Variants in BRAF observed in about 807,000 individuals in gnomAD.
BRAF encodes the protein B-Raf proto-oncogene, serine/threonine kinase.
BRAF carries 16 observed loss-of-function variants against 104.6 expected under a neutral mutation model. The ratio of observed to expected loss-of-function variants is 0.15; its 90% CI spans 0.10 to 0.23. The LOEUF (loss-of-function observed/expected upper bound fraction) is 0.23, where lower values mean the gene tolerates loss of function less well. Ranked by LOEUF, BRAF falls within the 10% of genes least tolerant of loss-of-function variation. The pLI is 1.00. For synonymous variants in BRAF, 310 were observed against 341.6 expected (o/e 0.91, Z 1.02); for missense variants, 541 against 937.3 (o/e 0.58, Z 5.52).
intron 19 of BRAF, among the ~76,000 whole-genome samples, chr7:140,728,942 A>T (rs929133704): frequency 3.9e-5 from 6 of 151,960 alleles, no homozygotes; most frequent in African/African-American, 1.2e-4. Context: ...ATCTTCAGCT[A>T]AGGTTGGGCA....
At chr7:140,729,394 C>T (rs1563226040) in intron 19 of BRAF, among the ~76,000 whole-genome samples, 1 of 152,182 alleles carries the variant, frequency 6.6e-6, no homozygotes, top group Non-Finnish European at 1.5e-5. Context: ...CCTGTAATCC[C>T]AGCACTTTGG....
intron 2 of BRAF, among the ~76,000 whole-genome samples, chr7:140,845,512 T>C (rs924716022): frequency 6.6e-6 from 1 of 151,996 alleles, no homozygotes; most frequent in Non-Finnish European, 1.5e-5. Context: ...ACAATCCAAT[T>C]AAAAAATGGA....
At chr7:140,843,944 G>T (rs1408072900) in intron 2 of BRAF, among the ~76,000 whole-genome samples, 1 of 152,170 alleles carries the variant, frequency 6.6e-6, no homozygotes, top group African/African-American at 2.4e-5. Context: ...GGGAGGTGGA[G>T]CTTGAAGTGA....
At chr7:140,845,275 G>A (rs1433026309) in intron 2 of BRAF, among the ~76,000 whole-genome samples, 1 of 152,110 alleles carries the variant, frequency 6.6e-6, no homozygotes, top group East Asian at 1.9e-4. Flanking sequence ...AAATGCAAGA[G>A]CATTTGGGAG....
chr7:140,869,510 G>GT (rs1290238389), intron 1 of BRAF, among the ~76,000 whole-genome samples: 1 of 152,060 alleles, frequency 6.6e-6, no homozygotes, highest in African/African-American at 2.4e-5. Flanking sequence ...GCGGACACCC[G>GT]TAATTCCAGC....
intron 17 of BRAF, chr7:140,740,456 AGAG>A (rs1454664784): frequency 1.3e-5 from 2 of 152,426 alleles, no homozygotes; most frequent in Non-Finnish European, 2.9e-5. Flanking sequence ...AGCCTCCGCC[AGAG>A]GAGAGAAGGG....
At chr7:140,847,707 CAATT>C (rs547309487) in intron 2 of BRAF, among the ~76,000 whole-genome samples, 7 of 152,206 alleles carry the variant, frequency 4.6e-5, no homozygotes, top group African/African-American at 9.6e-5. Context: ...ATTATAAACT[CAATT>C]AATCCTTAAC....
chr7:140,758,112 T>G (rs1281352177), intron 14 of BRAF: 2 of 152,218 alleles, frequency 1.3e-5, no homozygotes, highest in Admixed American at 1.3e-4. Flanking sequence ...ACTTAGACAT[T>G]TGCATGTCAG....
chr7:140,761,496 C>G (rs1316286406), intron 14 of BRAF, among the ~76,000 whole-genome samples: 1 of 151,560 alleles, frequency 6.6e-6, no homozygotes, highest in Non-Finnish European at 1.5e-5. Context: ...AGCAAAATAA[C>G]CAGCTAATAT....
chr7:140,788,664 T>C (rs187534485), intron 8 of BRAF, among the ~76,000 whole-genome samples: 3 of 151,932 alleles, frequency 2.0e-5, no homozygotes, highest in Admixed American at 6.6e-5. Context: ...TCTTGGCTTA[T>C]TGCAACCTCT....
At chr7:140,753,123 A>C in intron 16 of BRAF, 152 bp downstream of exon 15, 1 of 634,894 alleles carries the variant, frequency 1.6e-6, no homozygotes, top group Non-Finnish European at 2.7e-6. Context: ...AAAGTTAAAA[A>C]ATCTATTTAC....
intron 19 of BRAF, chr7:140,731,829 T>C (rs1246830254): frequency 2.0e-5 from 3 of 152,184 alleles, no homozygotes; most frequent in Admixed American, 2.0e-4. Flanking sequence ...AGTAAAACTT[T>C]TAAAATGCAA....
intron 1 of BRAF, among the ~76,000 whole-genome samples, chr7:140,897,429 C>A (rs6966197): frequency 0.3 from 45,453 of 150,014 alleles, 10,883 homozygotes; most frequent in African/African-American, 0.67. Flanking sequence ...TTAAAATTTT[C>A]AATTTATCAG....
At chr7:140,888,114 C>A (rs10255476) in intron 1 of BRAF, among the ~76,000 whole-genome samples, 4,174 of 152,232 alleles carry the variant, frequency 0.027, 202 homozygotes, top group African/African-American at 0.094. Flanking sequence ...ACCTTGTGAT[C>A]CGTCTACCTC....
chr7:140,746,510 G>A (rs987151712), intron 17 of BRAF, among the ~76,000 whole-genome samples: 7 of 152,122 alleles, frequency 4.6e-5, no homozygotes, highest in Middle Eastern at 3.4e-3. Flanking sequence ...ATTCTTAGCC[G>A]AATTCCCTTA....
chr7:140,838,608 G>GA (rs1269535730), intron 2 of BRAF, among the ~76,000 whole-genome samples: 4 of 152,088 alleles, frequency 2.6e-5, no homozygotes, highest in Admixed American at 6.5e-5. Flanking sequence ...CTGACAAGCT[G>GA]ATCTTAAAAT....
chr7:140,723,694 G>A lies in BRAF; in HGVS notation c.*2800C>T. Reference sequence around the variant, plus strand: ...TAGTTGCTCTCAAATTTTTCAGAAGGCTTCACCTCTCCCTACCAAAAATAA... The same window carrying A: ...TAGTTGCTCTCAAATTTTTCAGAAGACTTCACCTCTCCCTACCAAAAATAA... On this transcript the variant is annotated 3_prime_UTR_variant, in exon 20 of 20. Coordinates refer to ENST00000644969, the MANE Select transcript of BRAF (RefSeq NM_001374258.1). 9.5e-7 allele frequency: 1 copy of A among 1,051,696 alleles called. No individual in the cohort carries two copies. The highest frequency in any genetic ancestry group is 4.6e-5 in the South Asian group (1 of 21,844). 65.1% of individuals were successfully genotyped at this position (1,051,696 alleles called of 1,614,324 possible).
chr7:140,824,973 C>CA (rs1805861703), intron 3 of BRAF, among the ~76,000 whole-genome samples: 19 of 139,914 alleles, frequency 1.4e-4, no homozygotes. Flanking sequence ...GTTGTTTTTT[C>CA]TTTTTTTTTT....
intron 8 of BRAF, among the ~76,000 whole-genome samples, chr7:140,791,006 CAGG>C (rs1801898614): frequency 1.3e-5 from 2 of 152,150 alleles, no homozygotes; most frequent in African/African-American, 4.8e-5. Context: ...GAGGCTGAGG[CAGG>C]AGAATTGCTT....
Sources: allele counts gnomAD v4.1 joint callset (sites outside exome capture counted in the v4.1 genomes callset), GRCh38; gene constraint gnomAD v4.1.1; transcripts MANE v1.5; gene names NCBI Gene and HGNC (gene_info 2026-07-23, HGNC 2026-07-21).